The following TCF20 variants were observed in gnomAD, a reference collection of about 807,000 sequenced individuals.
The protein encoded by TCF20 is SPRE-binding protein.
In TCF20, 3 loss-of-function variants were observed where a neutral mutation model predicts 148.6. The observed-to-expected ratio is 0.02, with a 90% CI of 0.01 to 0.05. The LOEUF is 0.05. Ranked by LOEUF, TCF20 falls within the 10% of genes least tolerant of loss-of-function variation. TCF20 has a pLI of 1.00. For synonymous variants in TCF20, 1,049 were observed against 909.5 expected, an observed-to-expected ratio of 1.15 and a Z score of -2.76; for missense variants, 2,350 against 2,429.3, an observed-to-expected ratio of 0.97 and a Z score of 0.69.
chr22:42,179,306 T>C (rs1240612526), intron 3 of TCF20, among the ~76,000 whole-genome samples: 2 of 150,040 alleles, frequency 1.3e-5, no homozygotes, highest in African/African-American at 2.4e-5. Context: ...AGTCAAAAAG[T>C]GGAAGTAACC....
At chr22:42,311,942 C>T (rs1376841754) in intron 1 of TCF20, among the ~76,000 whole-genome samples, 1 of 152,158 alleles carries the variant, frequency 6.6e-6, no homozygotes, top group African/African-American at 2.4e-5. Context: ...CTCTAGGGTT[C>T]TGCATTTTAG....
upstream of TCF20, among the ~76,000 whole-genome samples, chr22:42,271,440 C>T (rs375629957): frequency 1.3e-5 from 2 of 152,254 alleles, no homozygotes; most frequent in East Asian, 1.9e-4. Context: ...TTGTTCCCAG[C>T]CTTCCTTTGC....
intron 1 of TCF20, among the ~76,000 whole-genome samples, chr22:42,328,588 T>TA (rs1382811799): frequency 6.6e-6 from 1 of 152,202 alleles, no homozygotes; most frequent in Non-Finnish European, 1.5e-5. Context: ...CCAGCTCACC[T>TA]ACTCCCTGGC....
intron 1 of TCF20, among the ~76,000 whole-genome samples, chr22:42,319,015 G>A (rs1471668430): frequency 6.6e-6 from 1 of 152,214 alleles, no homozygotes; most frequent in Non-Finnish European, 1.5e-5. Flanking sequence ...CCTGCTCTGT[G>A]CCACACCTTG....
At chr22:42,276,966 C>T (rs926391367) in intron 1 of TCF20, 4 of 152,218 alleles carry the variant, frequency 2.6e-5, no homozygotes, top group African/African-American at 9.7e-5. Flanking sequence ...TTTGCTCCCC[C>T]TGGCTCAGAA....
chr22:42,264,867 C>T (rs747661481), intron 1 of TCF20, among the ~76,000 whole-genome samples: 3 of 152,208 alleles, frequency 2.0e-5, no homozygotes, highest in Admixed American at 1.3e-4. Flanking sequence ...CACACATGCA[C>T]GCGGACCTTA....
chr22:42,300,294 G>A (rs8141607), intron 1 of TCF20, among the ~76,000 whole-genome samples: 19,648 of 152,110 alleles, frequency 0.13, 1,490 homozygotes, highest in African/African-American at 0.18. Flanking sequence ...ACTCCTGCCG[G>A]TGAGAGCTCG....
At chr22:42,255,714 G>T (rs1296659497) in intron 1 of TCF20, among the ~76,000 whole-genome samples, 2 of 152,054 alleles carry the variant, frequency 1.3e-5, no homozygotes, top group African/African-American at 4.8e-5. Context: ...AGAACAGTAA[G>T]AGGCCAAGAT....
At chr22:42,169,819 C>T in intron 4 of TCF20, 28 bp downstream of exon 4, 2 of 1,612,940 alleles carry the variant, frequency 1.2e-6, no homozygotes, top group South Asian at 2.2e-5. Flanking sequence ...CCCATCCCTG[C>T]TGGTAGCTCT....
At chr22:42,271,422 G>C (rs1317726751), upstream of TCF20, among the ~76,000 whole-genome samples, 1 of 152,228 alleles carries the variant, frequency 6.6e-6, no homozygotes, top group African/African-American at 2.4e-5. Context: ...CGGTGCCAAG[G>C]CCTCAGCTTG....
intron 2 of TCF20, among the ~76,000 whole-genome samples, chr22:42,182,794 T>TG (rs1485300393): frequency 1.3e-5 from 2 of 152,230 alleles, no homozygotes. Context: ...TAGAGTGCAG[T>TG]GGCACAGTCT....
intron 5 of TCF20, among the ~76,000 whole-genome samples, chr22:42,163,942 G>A (rs1231122440): frequency 2.6e-5 from 4 of 151,964 alleles, no homozygotes; most frequent in Non-Finnish European, 2.9e-5. Context: ...GGCCTCATCC[G>A]TGGCCTGAAC....
At chr22:42,286,780 G>A (rs4822100), upstream of TCF20, among the ~76,000 whole-genome samples, 10,144 of 152,254 alleles carry the variant, frequency 0.067, 601 homozygotes, top group Admixed American at 0.18. Context: ...GAGATTTTGC[G>A]TGGGTAATTT....
chr22:42,241,842 C>A (rs1255099637), intron 1 of TCF20, among the ~76,000 whole-genome samples: 1 of 150,104 alleles, frequency 6.7e-6, no homozygotes, highest in African/African-American at 2.5e-5. Flanking sequence ...CTCAAAAAAA[C>A]GCAGATTAGT....
At chr22:42,294,201 G>A (rs555007553) in intron 1 of TCF20, among the ~76,000 whole-genome samples, 2 of 152,184 alleles carry the variant, frequency 1.3e-5, no homozygotes, top group South Asian at 4.1e-4. Flanking sequence ...GTCACATCCT[G>A]CCACTGCACC....
intron 1 of TCF20, among the ~76,000 whole-genome samples, chr22:42,269,377 G>A (rs556615948): frequency 6.6e-6 from 1 of 152,244 alleles, no homozygotes; most frequent in South Asian, 2.1e-4. Flanking sequence ...ATTGAATACA[G>A]ACCAGCAGAC....
intron 2 of TCF20, among the ~76,000 whole-genome samples, chr22:42,194,725 T>G (rs1041355835): frequency 2.6e-5 from 4 of 152,012 alleles, no homozygotes; most frequent in African/African-American, 9.7e-5. Context: ...TGGAGGAGAC[T>G]GGCAAAGCAG....
rs1926855129 is a variant in TCF20 at position 42,279,561 on chromosome 22, C to G, written c.-37+4266G>C. Among the ~76,000 whole-genome samples, 1 of 152,168 alleles carries G rather than the reference C, an allele frequency of 6.6e-6. No homozygotes were observed. The highest frequency in any genetic ancestry group is 2.4e-5 in the African/African-American group (1 of 41,426). Reference sequence around the variant, plus strand: ...CTCCTGAAGCCTCAGCCTTTTCACCCGTAGAACAGGGACATTAACATCACC... The same window carrying G: ...CTCCTGAAGCCTCAGCCTTTTCACCGGTAGAACAGGGACATTAACATCACC... On this transcript the variant is annotated intron_variant, in intron 1 of 5. Coordinates refer to the TCF20 transcript ENST00000359486. This position sits in a 1 kb window ranked among gnomAD's most constrained non-coding sequence, Gnocchi z 4.3.
intron 1 of TCF20, among the ~76,000 whole-genome samples, chr22:42,309,251 T>C (rs116310392): frequency 0.015 from 2,324 of 151,926 alleles, 55 homozygotes; most frequent in African/African-American, 0.053. Flanking sequence ...CTCCCCAAGG[T>C]CTCCACCAGG....
Sources: allele counts gnomAD v4.1 joint callset (sites outside exome capture counted in the v4.1 genomes callset), GRCh38; gene constraint gnomAD v4.1.1; non-coding constraint Gnocchi (gnomAD v3.1); transcripts MANE v1.5; gene names NCBI Gene and HGNC (gene_info 2026-07-23, HGNC 2026-07-21).